Variants in TRIP12 observed in about 807,000 individuals in gnomAD.
TRIP12 encodes E3 ubiquitin-protein ligase TRIP12.
A neutral mutation model predicts 244.2 loss-of-function variants in TRIP12; 25 were observed. That is an observed-to-expected ratio of 0.10 (90% CI 0.07 to 0.14). The LOEUF (loss-of-function observed/expected upper bound fraction) is 0.14. Ranked by LOEUF, TRIP12 falls within the 10% of genes least tolerant of loss-of-function variation. TRIP12 has a pLI of 1.00. For missense variants in TRIP12, 1,677 were observed against 2,486.4 expected (o/e 0.67, Z 6.92); for synonymous variants, 905 against 873.1 (o/e 1.04, Z -0.64).
intron 1 of TRIP12, among the ~76,000 whole-genome samples, chr2:229,917,750 G>C (rs545042665): frequency 6.6e-6 from 1 of 152,274 alleles, no homozygotes; most frequent in South Asian, 2.1e-4. Flanking sequence ...TTGGAGTCCA[G>C]TGGCATGATC....
At position 229,796,677 on chromosome 2, in the gene TRIP12, G is replaced by T; in HGVS notation, c.3730C>A (p.Leu1244Ile). 1 of 1,613,206 alleles carries T rather than the reference G, an allele frequency of 6.2e-7. No individual in the cohort carries two copies. Among genetic ancestry groups the T allele is most frequent in the Non-Finnish European group, 8.5e-7 (1 of 1,179,824 alleles). The part of the protein sequence containing the change: ...QHSGFVKQLL[L>I]YLTSKSEKDA... ...TTTTCACTTTTAGATGTCAAATAAA[G>T]CAACAGCTGCTTCACAAATCCACTA... Residue 1244 changes from leucine (L) to isoleucine (I), a missense_variant, in exon 25 of 42, where the codon CTT becomes ATT. By Grantham distance (5) the Leu-to-Ile change is conservative. Transcript: ENST00000675903.
chr2:229,855,465 T>C (rs935205879), intron 4 of TRIP12, among the ~76,000 whole-genome samples: 4 of 151,760 alleles, frequency 2.6e-5, no homozygotes, highest in Non-Finnish European at 5.9e-5. Flanking sequence ...AATCCTTGGG[T>C]CCACATAGTA....
At chr2:229,813,510 G>A (rs751344728) in intron 13 of TRIP12, among the ~76,000 whole-genome samples, 48 of 152,276 alleles carry the variant, frequency 3.2e-4, no homozygotes, top group African/African-American at 1.0e-3. Context: ...GTGGCTGGGC[G>A]CGGTAGCTCA....
rs758261351 is a variant in TRIP12, at chr2:229,803,713, A to T, written c.2880-24T>A. On this transcript the variant is annotated intron_variant, in intron 19 of 41. Coordinates refer to ENST00000675903, the MANE Select transcript of TRIP12 (RefSeq NM_001348323.3). ...GACTAAAAAAAGAAAGCATTTGTAT[A>T]TAAAACTCTGCCTGAATTTGATGAT... 4.6e-6 allele frequency: 7 copies of T among 1,519,748 alleles called. No individual in the cohort carries two copies. The Admixed American group carries it at 1.2e-4, about 26-fold the overall frequency. 94.1% of individuals were successfully genotyped at this position (1,519,748 alleles called of 1,614,324 possible). A position where few individuals can be genotyped will look rare whatever the true frequency, so the allele number is the denominator to read the frequency against.
chr2:229,888,388 A>G (rs2066503329), intron 1 of TRIP12, among the ~76,000 whole-genome samples: 1 of 152,214 alleles, frequency 6.6e-6, no homozygotes, highest in Admixed American at 6.5e-5. Context: ...AAAAACAGAC[A>G]GCATAAAGAG....
Position 229,808,318 on chromosome 2 carries a change from C to A in TRIP12, c.2273G>T (p.Cys758Phe), listed in dbSNP as rs1386605432. 1.2e-6 allele frequency: 2 copies of A among 1,613,788 alleles called. No homozygotes were observed. Among genetic ancestry groups the A allele is most frequent in the African/African-American group, 2.7e-5 (2 of 74,902 alleles). Reference sequence around the variant, plus strand: ...TGGAACAAGATCAATCTGTTCCTGACAACTTCCATTGGAGGCACCACACAG... The same window carrying A: ...TGGAACAAGATCAATCTGTTCCTGAAAACTTCCATTGGAGGCACCACACAG... ...FLLCGASNGS[C>F]QEQIDLVPRS... Residue 758 changes from cysteine (C) to phenylalanine (F), a missense_variant, in exon 16 of 42, where the codon TGT (cysteine) becomes TTT (phenylalanine). Physicochemically the swap from Cys to Phe is radical, Grantham distance 205. Coordinates refer to ENST00000675903, the MANE Select transcript of TRIP12 (RefSeq NM_001348323.3).
chr2:229,859,214 C>G lies in TRIP12; in HGVS notation c.585G>C (p.Glu195Asp). ...CGGAGCCACTCTTTACACAAGAACT[C>G]TCTGTCCTTTTTCTTTTCTGACTCC... ...GSRSQKRKRT[E>D]SSCVKSGSGS... The change falls in exon 4 of 42, where the codon GAG (glutamate) becomes GAC (aspartate). Residue 195 changes from glutamate to aspartate, a missense_variant. By Grantham distance (45) the Glu-to-Asp change is conservative. Coordinates refer to ENST00000675903, the MANE Select transcript of TRIP12 (RefSeq NM_001348323.3). 1 of 1,614,198 alleles carries G rather than the reference C, an allele frequency of 6.2e-7. No homozygotes were observed. The highest frequency in any genetic ancestry group is 8.5e-7 in the Non-Finnish European group (1 of 1,180,040).
intron 8 of TRIP12, among the ~76,000 whole-genome samples, chr2:229,828,685 T>C (rs1298813818): frequency 2.0e-5 from 3 of 152,036 alleles, no homozygotes; most frequent in Admixed American, 6.6e-5. Flanking sequence ...GTGGGAGGAC[T>C]GGACCCGAGA....
At chr2:229,834,936 A>G (rs969998297) in intron 6 of TRIP12, among the ~76,000 whole-genome samples, 2 of 152,212 alleles carry the variant, frequency 1.3e-5, no homozygotes, top group Non-Finnish European at 2.9e-5. Flanking sequence ...ATGGAGTCTT[A>G]TATCGACTAT....
In TRIP12 at chr2:229,774,280, G is replaced by A; in HGVS notation, c.5530-19C>T. The A allele has an allele frequency of 1.2e-5, 19 of 1,587,926 alleles. No individual in the cohort carries two copies. The highest frequency in any genetic ancestry group is 1.6e-5 in the Non-Finnish European group (19 of 1,169,526). ...CTTTGGTCTAAAAAACACAAATGGG[G>A]GAGAAATGGTGTCAAGCAAAATTAA... On this transcript the variant is annotated intron_variant, in intron 37 of 41. Coordinates refer to ENST00000675903, the MANE Select transcript of TRIP12 (RefSeq NM_001348323.3).
At chr2:229,906,611 T>C (rs1464398225) in intron 1 of TRIP12, among the ~76,000 whole-genome samples, 2 of 151,086 alleles carry the variant, frequency 1.3e-5, no homozygotes, top group African/African-American at 2.4e-5. Flanking sequence ...TCCCAGCTAC[T>C]TGGGAGGCTG....
At chr2:229,770,040 A>G (rs1276942170) in intron 39 of TRIP12, among the ~76,000 whole-genome samples, 3 of 152,158 alleles carry the variant, frequency 2.0e-5, no homozygotes, top group Non-Finnish European at 4.4e-5. Context: ...GCCTAATCAC[A>G]GCTCACTCCC....
intron 33 of TRIP12, 65 bp from the exon 34 acceptor site, chr2:229,785,920 G>A: frequency 7.1e-7 from 1 of 1,406,752 alleles, no homozygotes; most frequent in Non-Finnish European, 9.6e-7. Flanking sequence ...ATAAACAGGT[G>A]GCATTTCTTG....
Position 229,815,303 on chromosome 2 carries a change from C to T in TRIP12, c.1605G>A (p.Thr535=), listed in dbSNP as rs774238729. ...PVKSVVPALI[T]LLQMEHNFDI... is the part of the protein sequence containing the mutation. Reference sequence around the variant, plus strand: ...CAAAATTGTGCTCCATCTGAAGTAACGTAATCTGTTAAAAAGATAACAAAA... The same window carrying T: ...CAAAATTGTGCTCCATCTGAAGTAATGTAATCTGTTAAAAAGATAACAAAA... Residue 535 remains threonine, a synonymous_variant, in exon 10 of 42, where the codon ACG becomes ACA. Coordinates refer to ENST00000675903, the MANE Select transcript of TRIP12 (RefSeq NM_001348323.3). The T allele has an allele frequency of 1.8e-5, 26 of 1,428,318 alleles. No homozygotes were observed. In the Middle Eastern group the frequency reaches 1.8e-3, roughly 101 times the overall value. 88.5% of individuals were successfully genotyped at this position (1,428,318 alleles called of 1,614,324 possible).
chr2:229,767,833 A>T, intron 41 of TRIP12, 83 bp from the exon 42 acceptor site: 1 of 1,284,286 alleles, frequency 7.8e-7, no homozygotes. Flanking sequence ...GCTTTGCCGT[A>T]CAATATTACA....
At chr2:229,784,219 G>GA (rs957010724) in intron 34 of TRIP12, among the ~76,000 whole-genome samples, 10 of 149,604 alleles carry the variant, frequency 6.7e-5, no homozygotes, top group Admixed American at 1.3e-4. Context: ...AATAATAACA[G>GA]AAAAAAAATC....
rs1247022169 is a variant in TRIP12 at position 229,767,325 on chromosome 2, A to G, written c.*229T>C. On this transcript the variant is annotated 3_prime_UTR_variant, in exon 42 of 42. Coordinates refer to ENST00000675903, the MANE Select transcript of TRIP12 (RefSeq NM_001348323.3). ...TCATCAAATAAATGATAATTTAAAC[A>G]AGAACTTGCTAAAGAAACCTCATCA... 14 of 404,032 alleles carry G rather than the reference A, an allele frequency of 3.5e-5. No homozygotes were observed. Among genetic ancestry groups the G allele is most frequent in the Non-Finnish European group, 6.0e-5 (14 of 232,024 alleles). 25.0% of individuals were successfully genotyped at this position (404,032 alleles called of 1,614,324 possible).
At chr2:229,840,740 T>C in intron 5 of TRIP12, 82 bp downstream of exon 5, 2 of 952,894 alleles carry the variant, frequency 2.1e-6, no homozygotes, top group Non-Finnish European at 3.1e-6. Flanking sequence ...AAACAACCTA[T>C]GGAGTTAAGT....
chr2:229,796,879 A>C, intron 24 of TRIP12, 97 bp from the exon 25 acceptor site: 2 of 1,166,278 alleles, frequency 1.7e-6, no homozygotes, highest in Non-Finnish European at 2.4e-6. Flanking sequence ...TATATTCTCA[A>C]CGCCCTTAAA....
Sources: allele counts gnomAD v4.1 joint callset (sites outside exome capture counted in the v4.1 genomes callset), GRCh38; gene constraint gnomAD v4.1.1; transcripts MANE v1.5; gene names NCBI Gene and HGNC (gene_info 2026-07-23, HGNC 2026-07-21).